SLC19A1: variants seen among roughly 807,000 people sequenced by gnomAD.
SLC19A1 encodes reduced folate transporter.
In SLC19A1, 37 loss-of-function variants were observed where a neutral mutation model predicts 35.3. That is an observed-to-expected ratio of 1.05 (90% CI 0.81 to 1.38). SLC19A1 has a LOEUF of 1.38. Ranked by LOEUF, SLC19A1 falls within the 40% of genes most tolerant of loss-of-function variation. The pLI, the probability that SLC19A1 is intolerant of heterozygous loss-of-function variation, is 0.00. For synonymous variants in SLC19A1, 460 were observed against 398.5 expected, an observed-to-expected ratio of 1.15 and a Z score of -1.84; for missense variants, 831 against 826.9, an observed-to-expected ratio of 1.00 and a Z score of -0.06.
At position 45,542,363 on chromosome 21, in the gene SLC19A1, G is replaced by C. The variant is rs1047319330; in HGVS notation, c.-50+5C>G. On this transcript the variant is annotated splice_donor_5th_base_variant and intron_variant, in intron 1 of 5. Transcript: ENST00000311124. The stretch of plus-strand genomic sequence containing the variant: ...CGGCCCCGTGGCCCCGTTCCCCACC[G>C]GTACCTGCGACTCGGCGGGGCGGCT... 11 of 150,940 alleles carry C rather than the reference G, an allele frequency of 7.3e-5. No homozygotes were observed. The highest frequency in any genetic ancestry group is 1.5e-4 in the Non-Finnish European group (10 of 67,706). The allele number at this position is 150,940 out of a possible 1,614,324, so 9.4% of individuals were successfully genotyped here.
chr21:45,544,844 C>T (rs1329030334), upstream of SLC19A1, among the ~76,000 whole-genome samples: 2 of 152,176 alleles, frequency 1.3e-5, no homozygotes, highest in African/African-American at 4.8e-5. Context: ...AGCCTTAGCA[C>T]CCATAGTCCA....
rs763434303 is a variant in SLC19A1 at position 45,537,885 on chromosome 21, C to T, written c.75G>A (p.Trp25Ter). 1.3e-5 allele frequency: 21 copies of T among 1,601,252 alleles called. No individual in the cohort carries two copies. Among genetic ancestry groups the T allele is most frequent in the Non-Finnish European group, 3.4e-6 (4 of 1,176,466 alleles). ...AGCAAAGGTAGCACACGAGGTGCCG[C>T]CAGGACCGGAGCTCGGGGTCAGGCC... ...EPGPDPELRS[W>*]RHLVCYLCFY... The change falls in exon 2 of 6, where the codon TGG becomes TGA. Residue 25 changes from tryptophan to a stop codon, truncating the protein, a stop_gained. Transcript: ENST00000311124. LOFTEE classifies it high-confidence loss of function.
intron 1 of SLC19A1, among the ~76,000 whole-genome samples, chr21:45,553,691 C>CCCACACCCCCTCCCAGTCCT (rs2078494350): frequency 9.8e-5 from 1 of 10,198 alleles, no homozygotes. Flanking sequence ...ATCCCAGTCC[C>CCCACACCCCCTCCCAGTCCT]CCACGCCCCA....
In SLC19A1 at chr21:45,516,207, G is replaced by A. The variant is rs574070133; in HGVS notation, c.1294-67C>T. On this transcript the variant is annotated intron_variant, in intron 5 of 5. Transcript: ENST00000311124. ...CTGGGACACTGGCACCCTACACCCC[G>A]ACGCCTGCTCCCAGGCTCACCCTCC... is the stretch of plus-strand genomic sequence containing the variant. The A allele has an allele frequency of 3.8e-5, 48 of 1,276,252 alleles. No homozygotes were observed. In the South Asian group the frequency reaches 3.9e-4, roughly 10 times the overall value. 79.1% of individuals were successfully genotyped at this position (1,276,252 alleles called of 1,614,324 possible).
intron 3 of SLC19A1, chr21:45,504,252 TGCAGTGG>T: frequency 1.1e-6 from 1 of 875,162 alleles, no homozygotes; most frequent in Non-Finnish European, 1.8e-6. Flanking sequence ...ACTCGGCTGA[TGCAGTGG>T]GAGGTGGGGA....
At chr21:45,529,958 A>G (rs1378130733) in intron 4 of SLC19A1, among the ~76,000 whole-genome samples, 3 of 142,006 alleles carry the variant, frequency 2.1e-5, no homozygotes, top group Non-Finnish European at 4.6e-5. Flanking sequence ...GTCCATGGGT[A>G]AGCATGTAGT....
downstream of SLC19A1, chr21:45,507,712 T>C (rs2037306711): frequency 5.3e-6 from 5 of 947,062 alleles, no homozygotes; most frequent in African/African-American, 1.6e-5. Flanking sequence ...AACATGTGGC[T>C]CACCATCAGC....
chr21:45,532,898 G>A (rs953281637), intron 2 of SLC19A1, among the ~76,000 whole-genome samples: 4 of 152,246 alleles, frequency 2.6e-5, no homozygotes, highest in African/African-American at 9.6e-5. Context: ...CAGGATCAGG[G>A]ACAGCAGGTT....
chr21:45,525,551 A>T (rs2077579475), intron 5 of SLC19A1, among the ~76,000 whole-genome samples: 2 of 152,350 alleles, frequency 1.3e-5, no homozygotes, highest in South Asian at 2.1e-4. Context: ...AGACAAGGAC[A>T]GCTCCGCCGT....
rs773517804 is a variant in SLC19A1 at position 45,516,068 on chromosome 21, G to T, written c.1366C>A (p.Arg456=). ...YFLGAMLDGL[R]HCQRGHHPRQ... Reference sequence around the variant, plus strand: ...GGGTGGTGGCCCCGCTGGCAGTGCCGCAGGCCATCCAGCATGGCCCCCAAG... The same window carrying T: ...GGGTGGTGGCCCCGCTGGCAGTGCCTCAGGCCATCCAGCATGGCCCCCAAG... The change falls in exon 6 of 6, where the codon CGG becomes AGG. Residue 456 remains arginine (R), a synonymous_variant. Coordinates refer to ENST00000311124, the MANE Select transcript of SLC19A1 (RefSeq NM_194255.4). 6.3e-7 allele frequency: 1 copy of T among 1,593,608 alleles called. No homozygotes were observed. Among genetic ancestry groups the T allele is most frequent in the Admixed American group, 1.8e-5 (1 of 55,496 alleles).
At chr21:45,536,041 G>C (rs542601707) in intron 2 of SLC19A1, 1 of 330,756 alleles carries the variant, frequency 3.0e-6, no homozygotes, top group East Asian at 1.4e-4. Context: ...CCCGCGTGAA[G>C]TTCTTGTCGG....
chr21:45,539,514 G>A (rs974980367), intron 1 of SLC19A1, among the ~76,000 whole-genome samples: 2 of 152,208 alleles, frequency 1.3e-5, no homozygotes, highest in African/African-American at 2.4e-5. Context: ...AGCATCCCTC[G>A]ATGTGGGGCC....
intron 5 of SLC19A1, among the ~76,000 whole-genome samples, chr21:45,518,500 C>G (rs2038077549): frequency 6.6e-6 from 1 of 152,138 alleles, no homozygotes; most frequent in South Asian, 2.1e-4. Flanking sequence ...ACTGCAGATT[C>G]ATGAAGCTGA....
chr21:45,527,348 G>A (rs1231928180), intron 4 of SLC19A1, among the ~76,000 whole-genome samples: 2 of 148,272 alleles, frequency 1.3e-5, no homozygotes, highest in Admixed American at 1.3e-4. Context: ...CAGGAGGTGA[G>A]AGGCAGCCAG....
intron 2 of SLC19A1, 52 bp downstream of exon 2, chr21:45,537,719 T>TGGGGGGGGGGGCCCCCCCCCCCCCC: frequency 3.1e-6 from 1 of 319,776 alleles, no homozygotes; most frequent in Non-Finnish European, 5.6e-6. Flanking sequence ...CAGACGCTGC[T>TGGGGGGGGGGGCCCCCCCCCCCCCC]CCCCGCCCAC....
intron 4 of SLC19A1, among the ~76,000 whole-genome samples, chr21:45,526,854 G>A (rs567612297): frequency 6.6e-6 from 1 of 152,372 alleles, no homozygotes; most frequent in African/African-American, 2.4e-5. Context: ...TCACAGGTGT[G>A]AGCCACTGCG....
chr21:45,505,958 A>G, intron 3 of SLC19A1: 1 of 1,613,148 alleles, frequency 6.2e-7, no homozygotes, highest in Non-Finnish European at 8.5e-7. Context: ...CGGGTTCCGG[A>G]AGGTCCAGGT....
intron 5 of SLC19A1, among the ~76,000 whole-genome samples, chr21:45,524,142 G>A (rs2077524714): frequency 7.0e-6 from 1 of 141,942 alleles, no homozygotes; most frequent in African/African-American, 2.7e-5. Flanking sequence ...TGCCCTAAGC[G>A]TTCACCCCTG....
rs572755713 is a variant in SLC19A1, at chr21:45,555,919, C to T, written c.-50+6823G>A. On this transcript the variant is annotated intron_variant, in intron 1 of 5. Coordinates refer to the SLC19A1 transcript ENST00000650808. ...CGCTGCGCATGGAGCAAGCTCTACA[C>T]CCGGGAGATGGCCACGGTGCGCATG... Among the ~76,000 whole-genome samples, 5 of 152,334 alleles carry T rather than the reference C, an allele frequency of 3.3e-5. No homozygotes were observed. The South Asian group carries it at 1.0e-3, about 32-fold the overall frequency.
Sources: allele counts gnomAD v4.1 joint callset (sites outside exome capture counted in the v4.1 genomes callset), GRCh38; gene constraint gnomAD v4.1.1; transcripts MANE v1.5; gene names NCBI Gene and HGNC (gene_info 2026-07-23, HGNC 2026-07-21).